BMP8A: variants seen among roughly 807,000 people sequenced by gnomAD.
The protein encoded by BMP8A is BMP-8A.
BMP8A carries 14 observed loss-of-function variants against 36.8 expected under a neutral mutation model. The ratio of observed to expected loss-of-function variants is 0.38; its 90% confidence interval spans 0.25 to 0.60. The LOEUF is 0.60. BMP8A is among the 20% of genes least tolerant of loss of function. BMP8A has a pLI of 0.63. For synonymous variants in BMP8A, 120 were observed against 237.7 expected (o/e 0.50, Z 4.55); for missense variants, 267 against 551.1 (o/e 0.48, Z 5.16).
At chr1:39,508,563 C>G (rs566724379) in intron 1 of BMP8A, among the ~76,000 whole-genome samples, 87 of 152,336 alleles carry the variant, frequency 5.7e-4, no homozygotes, top group African/African-American at 1.6e-3. Context: ...GAGAATCTAC[C>G]CTTTTCAATG....
At chr1:39,497,327 G>C (rs1394037123) in intron 1 of BMP8A, among the ~76,000 whole-genome samples, 2 of 152,164 alleles carry the variant, frequency 1.3e-5, no homozygotes, top group Admixed American at 1.3e-4. Context: ...CCACACCTTT[G>C]AGGCAAGGTA....
intron 3 of BMP8A, chr1:39,515,616 G>C: frequency 6.5e-7 from 1 of 1,543,430 alleles, no homozygotes; most frequent in Non-Finnish European, 8.9e-7. Flanking sequence ...GGCAGGAAAC[G>C]TGGTCTTCAG....
chr1:39,522,655 G>A (rs1032874253), intron 5 of BMP8A, 173 bp downstream of exon 5: 27 of 1,247,018 alleles, frequency 2.2e-5, no homozygotes, highest in Middle Eastern at 2.3e-4. Context: ...TTTTGTTGTT[G>A]TTGTTGTGTT....
intron 1 of BMP8A, among the ~76,000 whole-genome samples, chr1:39,502,249 AAAG>A (rs1223181396): frequency 1.5e-4 from 21 of 141,424 alleles, no homozygotes; most frequent in Admixed American, 2.1e-4. Flanking sequence ...AAAAAAAAAA[AAAG>A]AAAAGGAAAC....
chr1:39,523,558 C>T lies in BMP8A; in HGVS notation c.1059+441C>T, dbSNP rs1366186504. 4 of 1,384,950 alleles carry T rather than the reference C, an allele frequency of 2.9e-6. No individual in the cohort carries two copies. In the East Asian group the frequency reaches 8.7e-5, roughly 30 times the overall value. 85.8% of individuals were successfully genotyped at this position (1,384,950 alleles called of 1,614,324 possible). A position where few individuals can be genotyped will look rare whatever the true frequency, so the allele number is the denominator to read the frequency against. Reference sequence around the variant, plus strand: ...GTGTGGGGTGTGCGTGTGCACTCACCCACCTGTGCCGCACCACAGGCAGGA... The same window carrying T: ...GTGTGGGGTGTGCGTGTGCACTCACTCACCTGTGCCGCACCACAGGCAGGA... On this transcript the variant is annotated intron_variant, in intron 6 of 6. Coordinates refer to ENST00000331593, the MANE Select transcript of BMP8A (RefSeq NM_181809.4).
chr1:39,527,118 C>T lies in BMP8A; in HGVS notation c.*1320C>T, dbSNP rs572627594. On this transcript the variant is annotated 3_prime_UTR_variant, in exon 7 of 7. Coordinates refer to ENST00000331593, the MANE Select transcript of BMP8A (RefSeq NM_181809.4). The stretch of plus-strand genomic sequence containing the variant: ...TTTGCTTGTGTCTAGGAGTTATGAA[C>T]AAGCTGGCCACCAAAATTGGCGTCA... Among the ~76,000 whole-genome samples, 1 of 152,282 alleles carries T rather than the reference C, an allele frequency of 6.6e-6. No individual in the cohort carries two copies. Among genetic ancestry groups the T allele is most frequent in the South Asian group, 2.1e-4 (1 of 4,824 alleles).
chr1:39,523,319 CACACCCAA>C (rs1256161563), intron 6 of BMP8A, among the ~76,000 whole-genome samples: 1 of 152,218 alleles, frequency 6.6e-6, no homozygotes, highest in Non-Finnish European at 1.5e-5. Flanking sequence ...CACATAGACC[CACACCCAA>C]ACACGGACAC....
In BMP8A at chr1:39,525,497, T is replaced by C. The variant is rs996301085; in HGVS notation, c.1060-152T>C. The C allele has an allele frequency of 2.6e-6, 3 of 1,161,618 alleles. No homozygotes were observed. The African/African-American group carries it at 4.7e-5, about 18-fold the overall frequency. The allele number at this position is 1,161,618 out of a possible 1,614,324, so 72.0% of individuals were successfully genotyped here. On this transcript the variant is annotated intron_variant, in intron 6 of 6. Transcript: ENST00000331593. The stretch of plus-strand genomic sequence containing the variant: ...GCTCCCAGAGCTCTCAGGGCTGCTC[T>C]TATTCCTGTTAATAATTCTTATTAT...
rs1444904961 is a variant in BMP8A at position 39,528,408 on chromosome 1, A to G, written c.*2610A>G. Among the ~76,000 whole-genome samples the G allele has an allele frequency of 6.6e-6, 1 of 152,216 alleles. No homozygotes were observed. Among genetic ancestry groups the G allele is most frequent in the Non-Finnish European group, 1.5e-5 (1 of 68,044 alleles). On this transcript the variant is annotated 3_prime_UTR_variant, in exon 7 of 7. Transcript: ENST00000331593. ...GCATTCAAGGCTGCACATCAGGAGC[A>G]TAAATAAGGGTGGTCAGCTCAGGCC...
rs867590971 is a variant in BMP8A at position 39,527,785 on chromosome 1, G to C, written c.*1987G>C. Among the ~76,000 whole-genome samples the C allele has an allele frequency of 6.6e-6, 1 of 152,226 alleles. No homozygotes were observed. The highest frequency in any genetic ancestry group is 6.5e-5 in the Admixed American group (1 of 15,290). The stretch of plus-strand genomic sequence containing the variant: ...TGGTTCCAACTCAGCCACTGACTTG[G>C]TGTCAGGACAAGTCCCCTTTCTTAT... On this transcript the variant is annotated 3_prime_UTR_variant, in exon 7 of 7. Coordinates refer to ENST00000331593, the MANE Select transcript of BMP8A (RefSeq NM_181809.4).
rs547522716 is a variant in BMP8A, at chr1:39,525,737, GCAA to G, written c.1153_1155del (p.Asn385del). 2.1e-3 allele frequency: 3,376 copies of G among 1,614,222 alleles called. 4 individuals are homozygous for G. The highest frequency in any genetic ancestry group is 2.4e-3 in the Non-Finnish European group (2,827 of 1,180,038). On this transcript the variant is annotated inframe_deletion, in exon 7 of 7. Coordinates refer to ENST00000331593, the MANE Select transcript of BMP8A (RefSeq NM_181809.4). ...ACCTCTGTGCTCTACTATGACAGCAGCAACAACGTCATCCTGCGCAAGCACCGC... is the reference window on the plus strand; with the variant it reads ...ACCTCTGTGCTCTACTATGACAGCAGCAACGTCATCCTGCGCAAGCACCGC...
rs1385389661 is a variant in BMP8A, at chr1:39,492,048, CG to C, written c.62del (p.Gly21AlafsTer86). On this transcript the variant is annotated frameshift_variant, in exon 1 of 7. Coordinates refer to ENST00000331593, the MANE Select transcript of BMP8A (RefSeq NM_181809.4). LOFTEE classifies it high-confidence loss of function. ...LLGLTLCALGGGGPGLRPPPG... is the reference protein window; with the variant it reads ...LLGLTLCALGXGGPGLRPPPG... ...TGGGCCTGACGTTGTGCGCGCTGGG[CG>C]GGGGCGGCCCCGGCCTGCGACCCCC... is the stretch of plus-strand genomic sequence containing the variant. 1.7e-5 allele frequency: 19 copies of C among 1,097,574 alleles called. No individual in the cohort carries two copies. The highest frequency in any genetic ancestry group is 5.2e-5 in the Admixed American group (1 of 19,354). 68.0% of individuals were successfully genotyped at this position (1,097,574 alleles called of 1,614,324 possible). A position where few individuals can be genotyped will look rare whatever the true frequency, so the allele number is the denominator to read the frequency against.
At chr1:39,508,669 G>A (rs1645324090) in intron 1 of BMP8A, among the ~76,000 whole-genome samples, 1 of 152,164 alleles carries the variant, frequency 6.6e-6, no homozygotes, top group South Asian at 2.1e-4. Context: ...CCCAGCTTTT[G>A]AGAAATATCT....
chr1:39,503,667 A>G (rs920209835), intron 1 of BMP8A, among the ~76,000 whole-genome samples: 1 of 151,732 alleles, frequency 6.6e-6, no homozygotes. Flanking sequence ...GGCACACACC[A>G]CTATACCTGA....
chr1:39,493,395 T>C (rs1369544906), intron 1 of BMP8A, among the ~76,000 whole-genome samples: 6 of 152,212 alleles, frequency 3.9e-5, no homozygotes, highest in Non-Finnish European at 7.3e-5. Flanking sequence ...AGCCTCTATG[T>C]TGCTGAGCCA....
In BMP8A at chr1:39,515,698, C is replaced by T. The variant is rs1245869565; in HGVS notation, c.673+3794C>T. 20 of 1,575,604 alleles carry T rather than the reference C, an allele frequency of 1.3e-5. 1 individual carries two copies. The East Asian group carries it at 1.6e-4, about 12-fold the overall frequency. ...GTCACGGCGGTGGAGGTGGGGGCTT[C>T]CCCCCAGAAGACATCCACGTTCCTA... On this transcript the variant is annotated intron_variant, in intron 3 of 6. Transcript: ENST00000331593.
intron 1 of BMP8A, among the ~76,000 whole-genome samples, chr1:39,509,130 G>C (rs1043836904): frequency 6.6e-6 from 1 of 152,162 alleles, no homozygotes; most frequent in African/African-American, 2.4e-5. Flanking sequence ...CTGAGCCCCA[G>C]GACCCACCCA....
chr1:39,525,984 G>T lies in BMP8A; in HGVS notation c.*186G>T, dbSNP rs988298735. The T allele has an allele frequency of 2.9e-6, 3 of 1,046,994 alleles. No individual in the cohort carries two copies. The highest frequency in any genetic ancestry group is 5.4e-5 in the Admixed American group (2 of 36,852). The allele number at this position is 1,046,994 out of a possible 1,614,324, so 64.9% of individuals were successfully genotyped here. ...CTGTGCCCCTCCCCTGGGGTTTGTGGCTGTCACTCTGCCCGACACTTTGGT... is the reference window on the plus strand; with the variant it reads ...CTGTGCCCCTCCCCTGGGGTTTGTGTCTGTCACTCTGCCCGACACTTTGGT... On this transcript the variant is annotated 3_prime_UTR_variant, in exon 7 of 7. Transcript: ENST00000331593.
chr1:39,491,676 G>T lies in BMP8A; in HGVS notation c.-316G>T, dbSNP rs116072829. The T allele has an allele frequency of 0.017, 2,720 of 157,054 alleles. 87 individuals are homozygous for T. The highest frequency in any genetic ancestry group is 0.06 in the African/African-American group (2,485 of 41,620). 9.7% of individuals were successfully genotyped at this position (157,054 alleles called of 1,614,324 possible). ...CTGCCGGAGCTCGCCGGTCGCCCCT[G>T]CGCTGCGCGGACCGCAGCCACAGCC... On this transcript the variant is annotated 5_prime_UTR_variant, in exon 1 of 7. Transcript: ENST00000331593.
Sources: allele counts gnomAD v4.1 joint callset (sites outside exome capture counted in the v4.1 genomes callset), GRCh38; gene constraint gnomAD v4.1.1; transcripts MANE v1.5; gene names NCBI Gene and HGNC (gene_info 2026-07-23, HGNC 2026-07-21).